Variants in PDE6D observed in about 807,000 individuals in gnomAD.
The protein encoded by PDE6D is phosphodiesterase 6D, also known as retinal rod rhodopsin-sensitive cGMP 3',5'-cyclic phosphodiesterase subunit delta.
In PDE6D, 10 loss-of-function variants were observed where a neutral mutation model predicts 21.9. The observed-to-expected ratio is 0.46, with a 90% CI of 0.28 to 0.78. PDE6D has a LOEUF of 0.78. PDE6D is among the 30% of genes least tolerant of loss of function. The pLI, the probability that PDE6D is intolerant of heterozygous loss-of-function variation, is 0.12. For synonymous variants in PDE6D, 59 were observed against 63.5 expected, an observed-to-expected ratio of 0.93 and a Z score of 0.34; for missense variants, 139 against 184.8, an observed-to-expected ratio of 0.75 and a Z score of 1.44.
intron 1 of PDE6D, among the ~76,000 whole-genome samples, chr2:231,743,469 CA>C (rs1376136502): frequency 1.4e-5 from 2 of 139,044 alleles, no homozygotes. Context: ...CAAAATATAA[CA>C]AAGGGTTATT....
intron 1 of PDE6D, among the ~76,000 whole-genome samples, chr2:231,759,741 A>G (rs141024067): frequency 6.6e-6 from 1 of 152,144 alleles, no homozygotes; most frequent in African/African-American, 2.4e-5. Context: ...CTCCCGTGGC[A>G]GTGCTTTAGG....
intron 1 of PDE6D, among the ~76,000 whole-genome samples, chr2:231,765,216 T>C (rs188129772): frequency 1.3e-5 from 2 of 151,966 alleles, no homozygotes; most frequent in East Asian, 3.9e-4. Flanking sequence ...AAGGCTGCAA[T>C]GAGCCAGGAT....
In PDE6D at chr2:231,781,202, C is replaced by G; in HGVS notation, c.-88G>C. Reference sequence around the variant, plus strand: ...CAGGAGCCGAGGATGGAGCCGCAGCCCGGCTTGGAGACCTCGGGCTAGCAG... The same window carrying G: ...CAGGAGCCGAGGATGGAGCCGCAGCGCGGCTTGGAGACCTCGGGCTAGCAG... On this transcript the variant is annotated 5_prime_UTR_variant, in exon 1 of 5. Coordinates refer to ENST00000287600, the MANE Select transcript of PDE6D (RefSeq NM_002601.4). 2 of 1,375,774 alleles carry G rather than the reference C, an allele frequency of 1.5e-6. No individual in the cohort carries two copies. The highest frequency in any genetic ancestry group is 2.1e-6 in the Non-Finnish European group (2 of 974,902). 85.2% of individuals were successfully genotyped at this position (1,375,774 alleles called of 1,614,324 possible).
intron 1 of PDE6D, among the ~76,000 whole-genome samples, chr2:231,756,235 T>C (rs838459): frequency 0.08 from 12,149 of 152,210 alleles, 552 homozygotes; most frequent in African/African-American, 0.11. Context: ...GTTGGAGTGG[T>C]ATTTATTCCC....
chr2:231,774,570 A>G lies in PDE6D; in HGVS notation c.50+6495T>C, dbSNP rs1405122270. Among the ~76,000 whole-genome samples the G allele has an allele frequency of 2.6e-5, 4 of 151,884 alleles. No homozygotes were observed. The East Asian group carries it at 5.8e-4, about 22-fold the overall frequency. ...CAAATGAGAGTGCCCCTTTCCCTCA[A>G]TGTTGTGAACACTGAATATTATCTT... On this transcript the variant is annotated intron_variant, in intron 1 of 4. Transcript: ENST00000287600.
intron 1 of PDE6D, among the ~76,000 whole-genome samples, chr2:231,758,529 G>C (rs769470476): frequency 1.3e-4 from 20 of 152,272 alleles, no homozygotes; most frequent in Middle Eastern, 3.4e-3. Context: ...CTGCCTATTA[G>C]AATCACTTGG....
chr2:231,775,312 CATT>C (rs1209777973), intron 1 of PDE6D, among the ~76,000 whole-genome samples: 5 of 151,570 alleles, frequency 3.3e-5, no homozygotes, highest in South Asian at 2.1e-4. Flanking sequence ...AGAGATAGTC[CATT>C]ATTATTATTA....
chr2:231,759,375 A>G (rs2048908294), intron 1 of PDE6D, among the ~76,000 whole-genome samples: 1 of 152,142 alleles, frequency 6.6e-6, no homozygotes. Context: ...TTTCTAGGAA[A>G]TAAGATTTTA....
intron 1 of PDE6D, among the ~76,000 whole-genome samples, chr2:231,766,333 T>A (rs1049581119): frequency 6.6e-6 from 1 of 152,176 alleles, no homozygotes; most frequent in Non-Finnish European, 1.5e-5. Flanking sequence ...CCTAGCAAAG[T>A]CAAACAATAA....
At chr2:231,749,400 C>T (rs867109136) in intron 1 of PDE6D, among the ~76,000 whole-genome samples, 5 of 152,004 alleles carry the variant, frequency 3.3e-5, no homozygotes, top group Non-Finnish European at 5.9e-5. Flanking sequence ...TTACTCAATA[C>T]GTGTACCCCC....
chr2:231,734,854 A>AC (rs1282468166), intron 4 of PDE6D, among the ~76,000 whole-genome samples: 62 of 145,986 alleles, frequency 4.2e-4, no homozygotes, highest in African/African-American at 1.5e-3. Context: ...CTCAAAAAAA[A>AC]AAACAAAAAA....
chr2:231,757,952 A>T (rs968930057), intron 1 of PDE6D, among the ~76,000 whole-genome samples: 2 of 145,342 alleles, frequency 1.4e-5, no homozygotes, highest in African/African-American at 5.2e-5. Context: ...ATGGCCCCTT[A>T]AAAAAAAAAG....
intron 1 of PDE6D, among the ~76,000 whole-genome samples, chr2:231,757,714 A>G (rs1364190646): frequency 6.6e-6 from 1 of 152,262 alleles, no homozygotes; most frequent in Non-Finnish European, 1.5e-5. Flanking sequence ...GTTTAATGAT[A>G]ATGAGAAAAT....
intron 1 of PDE6D, 39 bp downstream of exon 1, chr2:231,781,026 C>G: frequency 6.3e-7 from 1 of 1,589,656 alleles, no homozygotes; most frequent in Non-Finnish European, 8.6e-7. Context: ...CGGCCGCCTC[C>G]CAAGTCCTCC....
intron 1 of PDE6D, among the ~76,000 whole-genome samples, chr2:231,740,725 T>TTA (rs2048741723): frequency 6.9e-6 from 1 of 144,736 alleles, no homozygotes; most frequent in African/African-American, 2.5e-5. Context: ...GCACAAAAAC[T>TTA]TATAGTCCAA....
At chr2:231,752,547 T>C (rs886816221) in intron 1 of PDE6D, among the ~76,000 whole-genome samples, 1 of 152,178 alleles carries the variant, frequency 6.6e-6, no homozygotes, top group Non-Finnish European at 1.5e-5. Context: ...TAAAAGCATA[T>C]ATTATTATCT....
At position 231,760,189 on chromosome 2, in the gene PDE6D, AG is replaced by A. The variant is rs532434049; in HGVS notation, c.50+20875del. 2.1e-3 allele frequency among the ~76,000 whole-genome samples: 324 copies of A among 152,338 alleles called. 2 individuals carry two copies. Among genetic ancestry groups the A allele is most frequent in the Middle Eastern group, 0.01 (3 of 294 alleles). Reference sequence around the variant, plus strand: ...CTGTTTAAATCAATAGAAGAAAGTAAGGGGAAGACTTTACCAAGATATGGAA... The same window carrying A: ...CTGTTTAAATCAATAGAAGAAAGTAAGGGAAGACTTTACCAAGATATGGAA... On this transcript the variant is annotated intron_variant, in intron 1 of 4. Coordinates refer to ENST00000287600, the MANE Select transcript of PDE6D (RefSeq NM_002601.4).
At chr2:231,754,896 C>A (rs763400450) in intron 1 of PDE6D, among the ~76,000 whole-genome samples, 7 of 152,212 alleles carry the variant, frequency 4.6e-5, no homozygotes, top group Middle Eastern at 3.4e-3. Context: ...CTAAATTTTA[C>A]CCTTATTTCT....
chr2:231,769,505 A>G (rs1415976812), intron 1 of PDE6D, among the ~76,000 whole-genome samples: 1 of 151,844 alleles, frequency 6.6e-6, no homozygotes. Flanking sequence ...ACTATCCTAC[A>G]ATTTGCTCTC....
Sources: gnomAD v4.1 joint callset for allele counts (sites outside exome capture counted in the v4.1 genomes callset) on GRCh38, gnomAD v4.1.1 for gene constraint, MANE v1.5 for transcripts, NCBI Gene and HGNC (gene_info 2026-07-23, HGNC 2026-07-21) for gene names.